MARCHF1: variants seen among roughly 807,000 people sequenced by gnomAD.
The protein encoded by MARCHF1 is E3 ubiquitin-protein ligase MARCHF1.
Under a neutral mutation model 54.2 loss-of-function variants are expected in MARCHF1, and 40 were observed. The ratio of observed to expected loss-of-function variants is 0.74; its 90% CI spans 0.57 to 0.96. The LOEUF (loss-of-function observed/expected upper bound fraction) is 0.96, where lower values mean the gene tolerates loss of function less well. Ranked by LOEUF, MARCHF1 falls within the 40% of genes least tolerant of loss-of-function variation. The pLI, the probability that MARCHF1 is intolerant of heterozygous loss-of-function variation, is 0.00. For missense variants in MARCHF1, 586 were observed against 656.5 expected, an observed-to-expected ratio of 0.89 and a Z score of 1.17; for synonymous variants, 236 against 236.3, an observed-to-expected ratio of 1.00 and a Z score of 0.01.
chr4:163,818,038 C>G (rs930515756), intron 4 of MARCHF1, among the ~76,000 whole-genome samples: 2 of 150,202 alleles, frequency 1.3e-5, no homozygotes, highest in Non-Finnish European at 3.0e-5. Flanking sequence ...GTGCAGCACA[C>G]CAGCATGGCA....
At position 163,944,228 on chromosome 4, in the gene MARCHF1, C is replaced by T. The variant is rs569133323; in HGVS notation, c.-39+44273G>A. Among the ~76,000 whole-genome samples, 9 of 151,624 alleles carry T rather than the reference C, an allele frequency of 5.9e-5. No homozygotes were observed. In the East Asian group the frequency reaches 1.6e-3, roughly 26 times the overall value. Reference sequence around the variant, plus strand: ...CGATCTCCTGACCTCGTGATCCACCCGCCTCAGCCTCCCAAAGTGCTGGGA... The same window carrying T: ...CGATCTCCTGACCTCGTGATCCACCTGCCTCAGCCTCCCAAAGTGCTGGGA... On this transcript the variant is annotated intron_variant, in intron 3 of 9. Transcript: ENST00000514618.
intron 1 of MARCHF1, among the ~76,000 whole-genome samples, chr4:164,260,900 AATG>A (rs1733442499): frequency 6.6e-6 from 1 of 152,212 alleles, no homozygotes; most frequent in Non-Finnish European, 1.5e-5. Flanking sequence ...GTAAACAAAT[AATG>A]ATGAGATGAC....
At chr4:163,949,249 G>A (rs931944783) in intron 3 of MARCHF1, among the ~76,000 whole-genome samples, 3 of 152,226 alleles carry the variant, frequency 2.0e-5, no homozygotes, top group African/African-American at 7.2e-5. Flanking sequence ...TGCCTGCACA[G>A]GTGCCAGCTC....
chr4:163,803,323 G>A (rs570883260), intron 4 of MARCHF1, among the ~76,000 whole-genome samples: 25 of 152,154 alleles, frequency 1.6e-4, no homozygotes, highest in African/African-American at 5.1e-4. Flanking sequence ...ACAGGTGTGC[G>A]CCACCACGCC....
chr4:163,933,277 C>T (rs1751720334), intron 3 of MARCHF1: 1 of 657,638 alleles, frequency 1.5e-6, no homozygotes, highest in South Asian at 1.4e-5. Flanking sequence ...TGTCATCCTT[C>T]TTCCCTTCAA....
chr4:164,053,227 C>A (rs752268359), intron 2 of MARCHF1, among the ~76,000 whole-genome samples: 1 of 151,920 alleles, frequency 6.6e-6, no homozygotes, highest in Non-Finnish European at 1.5e-5. Context: ...AATTAGGTAT[C>A]CTGAAGTTTT....
chr4:164,171,141 A>C (rs1730515174), intron 1 of MARCHF1, among the ~76,000 whole-genome samples: 2 of 152,154 alleles, frequency 1.3e-5, no homozygotes, highest in African/African-American at 4.8e-5. Context: ...TACCAGAAAA[A>C]TGTCTTATGC....
intron 1 of MARCHF1, among the ~76,000 whole-genome samples, chr4:164,346,596 GTA>G (rs1730105465): frequency 8.1e-6 from 1 of 123,412 alleles, no homozygotes; most frequent in Admixed American, 9.6e-5. Flanking sequence ...AAACCTGTAT[GTA>G]TGTATGTATA....
At chr4:164,111,486 A>T (rs1164569539) in intron 2 of MARCHF1, 102 bp downstream of exon 2, 1 of 151,814 alleles carries the variant, frequency 6.6e-6, no homozygotes, top group African/African-American at 2.4e-5. Flanking sequence ...TAAGCCTTCC[A>T]TTAAAACAAA....
intron 9 of MARCHF1, among the ~76,000 whole-genome samples, chr4:163,540,952 G>A (rs1424626265): frequency 6.6e-6 from 1 of 152,170 alleles, no homozygotes; most frequent in African/African-American, 2.4e-5. Flanking sequence ...GAGGGGGACT[G>A]AGGGGAGGAT....
chr4:163,664,490 A>G (rs1743461079), intron 5 of MARCHF1, among the ~76,000 whole-genome samples: 1 of 152,114 alleles, frequency 6.6e-6, no homozygotes, highest in Admixed American at 6.6e-5. Context: ...GAAATGGAGG[A>G]GATTTCCCCA....
intron 3 of MARCHF1, among the ~76,000 whole-genome samples, chr4:163,872,376 C>T (rs1245922004): frequency 6.6e-6 from 1 of 152,130 alleles, no homozygotes; most frequent in African/African-American, 2.4e-5. Context: ...TCAATCTGTA[C>T]CCACAAAAGA....
In MARCHF1 at chr4:163,813,603, C is replaced by T. The variant is rs182803387; in HGVS notation, c.111+40418G>A. Among the ~76,000 whole-genome samples the T allele has an allele frequency of 1.0e-3, 157 of 152,204 alleles. 1 individual carries two copies. The highest frequency in any genetic ancestry group is 3.7e-3 in the African/African-American group (154 of 41,532). On this transcript the variant is annotated intron_variant, in intron 4 of 9. Coordinates refer to ENST00000514618, the MANE Select transcript of MARCHF1 (RefSeq NM_001394959.1). ...TGCTCATATTTGAATACATAAATTA[C>T]CTTCATTTACTGAATTTTTAATATA...
intron 1 of MARCHF1, among the ~76,000 whole-genome samples, chr4:164,367,508 C>A (rs1730908942): frequency 6.6e-6 from 1 of 151,744 alleles, no homozygotes; most frequent in Non-Finnish European, 1.5e-5. Context: ...AAAGTTATTC[C>A]TAGAAATAAC....
At chr4:163,744,784 T>C (rs557121712) in intron 4 of MARCHF1, among the ~76,000 whole-genome samples, 3 of 152,236 alleles carry the variant, frequency 2.0e-5, no homozygotes, top group African/African-American at 4.8e-5. Flanking sequence ...TTTCACAGGA[T>C]TGAGTCAAGC....
At chr4:164,051,152 A>G (rs996811357) in intron 2 of MARCHF1, among the ~76,000 whole-genome samples, 13 of 152,136 alleles carry the variant, frequency 8.5e-5, no homozygotes, top group Admixed American at 6.6e-4. Flanking sequence ...TAACCTTCCA[A>G]TTGAATTCCC....
chr4:164,280,135 A>C (rs1264853052), intron 1 of MARCHF1, among the ~76,000 whole-genome samples: 1 of 151,944 alleles, frequency 6.6e-6, no homozygotes, highest in African/African-American at 2.4e-5. Context: ...ATTAAGTGAG[A>C]TATTTTATAC....
At chr4:163,768,028 C>G (rs1428967365) in intron 4 of MARCHF1, among the ~76,000 whole-genome samples, 4 of 152,016 alleles carry the variant, frequency 2.6e-5, no homozygotes, top group Non-Finnish European at 5.9e-5. Flanking sequence ...AGAAAGAGTG[C>G]ATTTTTTTTA....
intron 5 of MARCHF1, among the ~76,000 whole-genome samples, chr4:163,674,375 T>G (rs1743839098): frequency 6.6e-6 from 1 of 152,218 alleles, no homozygotes; most frequent in African/African-American, 2.4e-5. Context: ...GAGAAGTTGA[T>G]GAAGACAAGT....
Sources: gnomAD v4.1 joint callset for allele counts (sites outside exome capture counted in the v4.1 genomes callset) on GRCh38, gnomAD v4.1.1 for gene constraint, MANE v1.5 for transcripts, NCBI Gene and HGNC (gene_info 2026-07-23, HGNC 2026-07-21) for gene names.